Variants in GPD1 observed in about 807,000 individuals in gnomAD.
The protein encoded by GPD1 is glycerol-3-phosphate dehydrogenase [NAD(+)], cytoplasmic.
Under a neutral mutation model 34.4 loss-of-function variants are expected in GPD1, and 19 were observed. The ratio of observed to expected loss-of-function variants is 0.55; its 90% CI spans 0.39 to 0.81. GPD1 has a LOEUF of 0.81. Among genes scored for constraint, GPD1 ranks in the 30% least tolerant of loss-of-function variants. The pLI is 0.00. For missense variants in GPD1, 429 were observed against 447.0 expected (o/e 0.96, Z 0.36); for synonymous variants, 172 against 174.1 (o/e 0.99, Z 0.09).
intron 4 of GPD1, 59 bp from the exon 5 acceptor site, chr12:50,106,746 A>C (rs1950981295): frequency 1.0e-5 from 10 of 996,452 alleles, no homozygotes; most frequent in Non-Finnish European, 1.3e-5. Flanking sequence ...CATCTCTATA[A>C]AATAAATATT....
At chr12:50,105,783 G>T (rs775130106) in intron 3 of GPD1, 95 bp downstream of exon 3, 1 of 1,270,864 alleles carries the variant, frequency 7.9e-7, no homozygotes, top group South Asian at 1.2e-5. Context: ...AATGGCAGAC[G>T]CAGGCCAAGA....
chr12:50,106,784 C>T (rs1377070253), intron 4 of GPD1, 21 bp from the exon 5 acceptor site: 6 of 1,382,886 alleles, frequency 4.3e-6, no homozygotes, highest in Non-Finnish European at 6.0e-6. Flanking sequence ...CCCTCAAAGC[C>T]TTGCCCCCTC....
In GPD1 at chr12:50,105,670, T is replaced by C; in HGVS notation, c.342T>C (p.Thr114=). The change falls in exon 3 of 8, where the codon ACT becomes ACC. Residue 114 remains threonine (T), a synonymous_variant. Transcript: ENST00000301149. ...AGGGCCATCTGAAGGCAAACGCCAC[T>C]GGCATATCTCTTATTAAGGTGCCAG... ...QLKGHLKANA[T]GISLIKGVDE... 6.2e-7 allele frequency: 1 copy of C among 1,614,178 alleles called. No homozygotes were observed. Among genetic ancestry groups the C allele is most frequent in the Non-Finnish European group, 8.5e-7 (1 of 1,180,010 alleles).
rs1483153910 is a variant in GPD1 at position 50,105,364 on chromosome 12, G to A, written c.220-184G>A. 1.8e-5 allele frequency: 11 copies of A among 617,282 alleles called. No individual in the cohort carries two copies. In the East Asian group the frequency reaches 3.0e-4, roughly 17 times the overall value. 38.2% of individuals were successfully genotyped at this position (617,282 alleles called of 1,614,324 possible). A position where few individuals can be genotyped will look rare whatever the true frequency, so the allele number is the denominator to read the frequency against. ...CAGGACAGCTGGAGGGAGACAGAGT[G>A]GTAGCTGGGGGGAGGGAGTAGAGTG... On this transcript the variant is annotated intron_variant, in intron 2 of 7. Coordinates refer to ENST00000301149, the MANE Select transcript of GPD1 (RefSeq NM_005276.4).
chr12:50,109,922 G>A lies in GPD1; in HGVS notation c.*403G>A. ...ACACCAGTAATCCTGTTAAAGGGCT[G>A]AAGAAGTATCTTAGCCACAGGAGCG... On this transcript the variant is annotated 3_prime_UTR_variant, in exon 8 of 8. Transcript: ENST00000301149. The A allele has an allele frequency of 5.5e-6, 1 of 180,244 alleles. No homozygotes were observed. The highest frequency in any genetic ancestry group is 1.2e-4 in the South Asian group (1 of 8,226). The allele number at this position is 180,244 out of a possible 1,614,324, so 11.2% of individuals were successfully genotyped here. A position where few individuals can be genotyped will look rare whatever the true frequency, so the allele number is the denominator to read the frequency against.
chr12:50,104,134 C>T, intron 1 of GPD1, 43 bp downstream of exon 1: 1 of 1,590,618 alleles, frequency 6.3e-7, no homozygotes, highest in Non-Finnish European at 8.6e-7. Context: ...GGTAGGCCCC[C>T]CAAGACAGAG....
chr12:50,105,895 T>TGGTTTGGAGGTCCTCTCGGGGA (rs1314878531), intron 3 of GPD1: 2 of 703,006 alleles, frequency 2.8e-6, no homozygotes, highest in Non-Finnish European at 5.2e-6. Context: ...GAGACGAGAT[T>TGGTTTGGAGGTCCTCTCGGGGA]GGTTTGGAGG....
chr12:50,106,286 A>C lies in GPD1; in HGVS notation c.361-2A>C. The C allele has an allele frequency of 1.2e-6, 2 of 1,606,234 alleles. No homozygotes were observed. Among genetic ancestry groups the C allele is most frequent in the South Asian group, 2.2e-5 (2 of 90,048 alleles). ...CTGGCCTGAGCTCCATCCTGTGCTC[A>C]GGGGGTAGACGAGGGCCCCAATGGG... is the stretch of plus-strand genomic sequence containing the variant. On this transcript the variant is annotated splice_acceptor_variant, in intron 3 of 7. Transcript: ENST00000301149. LOFTEE classifies it high-confidence loss of function.
chr12:50,107,379 G>A (rs1247869965), intron 5 of GPD1, 188 bp from the exon 6 acceptor site: 5 of 706,218 alleles, frequency 7.1e-6, no homozygotes, highest in South Asian at 4.4e-5. Flanking sequence ...AGGGAGTATG[G>A]GGCAGGGCTT....
rs1951010005 is a variant in GPD1 at position 50,109,849 on chromosome 12, T to C, written c.*330T>C. Reference sequence around the variant, plus strand: ...CGGGGGTGATGTATGTGGAGAAGGGTTGGGGGAGAGGCCGGTAGGGCAGGG... The same window carrying C: ...CGGGGGTGATGTATGTGGAGAAGGGCTGGGGGAGAGGCCGGTAGGGCAGGG... On this transcript the variant is annotated 3_prime_UTR_variant, in exon 8 of 8. Transcript: ENST00000301149. 3.7e-5 allele frequency: 11 copies of C among 295,640 alleles called. No homozygotes were observed. Among genetic ancestry groups the C allele is most frequent in the Non-Finnish European group, 6.6e-5 (10 of 151,926 alleles). 18.3% of individuals were successfully genotyped at this position (295,640 alleles called of 1,614,324 possible).
chr12:50,106,142 C>G, intron 3 of GPD1, 146 bp from the exon 4 acceptor site: 1 of 708,526 alleles, frequency 1.4e-6, no homozygotes, highest in African/African-American at 1.8e-5. Context: ...GGCCTCCTCA[C>G]AGCAAACTTG....
At chr12:50,105,470 T>C (rs1950971013) in intron 2 of GPD1, 78 bp from the exon 3 acceptor site, 12 of 1,468,906 alleles carry the variant, frequency 8.2e-6, no homozygotes, top group African/African-American at 1.4e-5. Flanking sequence ...ACTCTTTGGC[T>C]CCCAGATCTC....
intron 3 of GPD1, 104 bp downstream of exon 3, chr12:50,105,792 G>C: frequency 8.6e-7 from 1 of 1,156,642 alleles, no homozygotes; most frequent in Non-Finnish European, 1.3e-6. Context: ...CGCAGGCCAA[G>C]AGTTTGCTGG....
chr12:50,105,540 C>A lies in GPD1; in HGVS notation c.220-8C>A. The A allele has an allele frequency of 1.2e-6, 2 of 1,610,378 alleles. No homozygotes were observed. Among genetic ancestry groups the A allele is most frequent in the Non-Finnish European group, 1.7e-6 (2 of 1,177,416 alleles). On this transcript the variant is annotated splice_region_variant and splice_polypyrimidine_tract_variant and intron_variant, in intron 2 of 7. Transcript: ENST00000301149. ...GCCAGGCCCGCGAGCACTTGGTCAC[C>A]CCCACAGGTGGCTGTCCCAGATGTG...
intron 1 of GPD1, 34 bp downstream of exon 1, chr12:50,104,125 G>GTA: frequency 1.2e-6 from 2 of 1,601,676 alleles, no homozygotes; most frequent in Non-Finnish European, 1.7e-6. Flanking sequence ...TGGGGGAAGG[G>GTA]TAGGCCCCCC....
At chr12:50,106,659 C>T in intron 4 of GPD1, 146 bp from the exon 5 acceptor site, 2 of 656,570 alleles carry the variant, frequency 3.0e-6, no homozygotes, top group East Asian at 2.7e-5. Context: ...GTGGTCCCAG[C>T]TACTTAAGAG....
Position 50,104,610 on chromosome 12 carries a change from A to T in GPD1, c.78A>T (p.Ala26=), listed in dbSNP as rs199556048. 1 of 1,613,870 alleles carries T rather than the reference A, an allele frequency of 6.2e-7. No homozygotes were observed. Among genetic ancestry groups the T allele is most frequent in the African/African-American group, 1.3e-5 (1 of 75,052 alleles). The part of the protein sequence containing the change: ...SAIAKIVGGN[A]AQLAQFDPRV... The stretch of plus-strand genomic sequence containing the variant: ...TCGCCAAGATCGTGGGTGGCAATGC[A>T]GCCCAGCTGGCACAGTTTGACCCAC... The change falls in exon 2 of 8, where the codon GCA becomes GCT. Residue 26 remains alanine (A), a synonymous_variant. Transcript: ENST00000301149.
chr12:50,106,898 A>G lies in GPD1; in HGVS notation c.593A>G (p.Glu198Gly). ...GTGGTGCAAGAGGTGGACACAGTAG[A>G]GATCTGTGGAGCCTTAAAGGTGAGA... ...ITVVQEVDTV[E>G]ICGALKNVVA... Residue 198 changes from glutamate to glycine, a missense_variant, in exon 5 of 8, where the codon GAG becomes GGG. Transcript: ENST00000301149. The G allele has an allele frequency of 6.2e-7, 1 of 1,606,678 alleles. No individual in the cohort carries two copies. Among genetic ancestry groups the G allele is most frequent in the Non-Finnish European group, 8.5e-7 (1 of 1,173,148 alleles).
intron 1 of GPD1, 29 bp from the exon 2 acceptor site, chr12:50,104,545 G>C: frequency 2.5e-6 from 4 of 1,587,570 alleles, no homozygotes; most frequent in Non-Finnish European, 3.5e-6. Flanking sequence ...CCCTCCTCCT[G>C]TACTTTCCTG....
Sources: gnomAD v4.1 joint callset for allele counts on GRCh38, gnomAD v4.1.1 for gene constraint, MANE v1.5 for transcripts, NCBI Gene and HGNC (gene_info 2026-07-23, HGNC 2026-07-21) for gene names.